SSH2: variants seen among roughly 807,000 people sequenced by gnomAD.
SSH2 encodes the protein protein phosphatase Slingshot homolog 2.
SSH2 carries 37 observed loss-of-function variants against 135.2 expected under a neutral mutation model. That is an observed-to-expected ratio of 0.27 (90% CI 0.21 to 0.36). The LOEUF is 0.36. Among genes scored for constraint, SSH2 ranks in the 10% least tolerant of loss-of-function variants. The pLI, the probability that SSH2 is intolerant of heterozygous loss-of-function variation, is 1.00. For synonymous variants in SSH2, 628 were observed against 646.2 expected, an observed-to-expected ratio of 0.97 and a Z score of 0.43; for missense variants, 1,408 against 1,765.3, an observed-to-expected ratio of 0.80 and a Z score of 3.63.
intron 3 of SSH2, among the ~76,000 whole-genome samples, chr17:29,765,817 C>T (rs2041430241): frequency 1.3e-5 from 2 of 151,860 alleles, no homozygotes; most frequent in Non-Finnish European, 1.5e-5. Context: ...GTCAGGAGTT[C>T]AAGACCAGCC....
At chr17:29,848,764 T>C in intron 2 of SSH2, 85 bp downstream of exon 2, 1 of 818,084 alleles carries the variant, frequency 1.2e-6, no homozygotes, top group Non-Finnish European at 1.9e-6. Context: ...ATAGGCACTA[T>C]ATCAGTTGCA....
chr17:29,796,822 G>A (rs879692555), intron 2 of SSH2, among the ~76,000 whole-genome samples: 1 of 73,272 alleles, frequency 1.4e-5, no homozygotes, highest in African/African-American at 5.3e-5. Context: ...TTTTTTTTTT[G>A]TTTAGAGATA....
chr17:29,917,620 A>G (rs2068620213), intron 1 of SSH2, among the ~76,000 whole-genome samples: 1 of 152,194 alleles, frequency 6.6e-6, no homozygotes, highest in Non-Finnish European at 1.5e-5. Flanking sequence ...GGCAGGGCAA[A>G]TCTAAAACTA....
At chr17:29,725,130 G>A (rs769112428) in intron 3 of SSH2, among the ~76,000 whole-genome samples, 1 of 151,026 alleles carries the variant, frequency 6.6e-6, no homozygotes, top group African/African-American at 2.4e-5. Flanking sequence ...GGCAGATCAC[G>A]AGGTTAGGAG....
intron 3 of SSH2, among the ~76,000 whole-genome samples, chr17:29,741,934 C>CTTTTTTTT (rs71138848): frequency 1.0e-5 from 1 of 97,910 alleles, no homozygotes. Flanking sequence ...ATTTTTTTTT[C>CTTTTTTTT]TTTTTTTTTT....
chr17:29,716,466 C>G, intron 3 of SSH2: 1 of 693,594 alleles, frequency 1.4e-6, no homozygotes, highest in South Asian at 1.4e-5. Flanking sequence ...TTGTGTACAA[C>G]AATGCCAGCA....
intron 11 of SSH2, among the ~76,000 whole-genome samples, chr17:29,663,838 A>C (rs567425863): frequency 1.3e-5 from 2 of 152,338 alleles, no homozygotes; most frequent in Non-Finnish European, 2.9e-5. Flanking sequence ...TTTAGTTTAC[A>C]ATGATGTGCC....
chr17:29,929,352 A>T (rs1383707192), intron 1 of SSH2: 1 of 156,700 alleles, frequency 6.4e-6, no homozygotes, highest in South Asian at 1.8e-4. Flanking sequence ...GGAAACAGAG[A>T]TCATTGCTAC....
chr17:29,917,204 GA>G (rs535506457), intron 1 of SSH2, among the ~76,000 whole-genome samples: 4 of 150,062 alleles, frequency 2.7e-5, no homozygotes, highest in African/African-American at 4.9e-5. Flanking sequence ...TCATTCAGTA[GA>G]AAAAAAAACT....
intron 3 of SSH2, among the ~76,000 whole-genome samples, chr17:29,721,957 G>C (rs764457979): frequency 6.6e-6 from 1 of 152,238 alleles, no homozygotes; most frequent in Non-Finnish European, 1.5e-5. Context: ...CCTTGGGTGG[G>C]CAGGGTAATG....
intron 6 of SSH2, among the ~76,000 whole-genome samples, chr17:29,678,093 ATTT>A (rs56386467): frequency 8.1e-5 from 11 of 136,006 alleles, no homozygotes; most frequent in Non-Finnish European, 9.5e-5. Context: ...GACTCCAAGG[ATTT>A]TTTTTTTTTT....
At chr17:29,644,348 G>A (rs1049865549) in intron 14 of SSH2, among the ~76,000 whole-genome samples, 1 of 152,192 alleles carries the variant, frequency 6.6e-6, no homozygotes, top group Non-Finnish European at 1.5e-5. Flanking sequence ...CTGACAGAAA[G>A]TTATTGCTTG....
intron 6 of SSH2, among the ~76,000 whole-genome samples, chr17:29,682,332 G>C (rs1221650014): frequency 6.6e-6 from 1 of 152,176 alleles, no homozygotes; most frequent in South Asian, 2.1e-4. Context: ...ATATGAGCTA[G>C]AACAGTGCTG....
intron 1 of SSH2, among the ~76,000 whole-genome samples, chr17:29,927,319 C>G (rs1457195209): frequency 1.3e-5 from 2 of 152,024 alleles, no homozygotes; most frequent in Non-Finnish European, 2.9e-5. Flanking sequence ...CTCCAATGCC[C>G]CAGCCCCCCA....
chr17:29,726,515 C>T (rs192640828), intron 3 of SSH2, among the ~76,000 whole-genome samples: 14 of 152,230 alleles, frequency 9.2e-5, no homozygotes, highest in Non-Finnish European at 2.1e-4. Flanking sequence ...AAAAGGGAGA[C>T]AGATGTCACT....
At chr17:29,795,899 G>A (rs1417078805) in intron 2 of SSH2, among the ~76,000 whole-genome samples, 2 of 152,052 alleles carry the variant, frequency 1.3e-5, no homozygotes, top group Non-Finnish European at 2.9e-5. Flanking sequence ...CCGCCACCAT[G>A]CCTGGCTAAT....
At chr17:29,709,052 A>AGAGAGCGC (rs1491229455) in intron 3 of SSH2, among the ~76,000 whole-genome samples, 56 of 144,650 alleles carry the variant, frequency 3.9e-4, no homozygotes, top group African/African-American at 1.2e-3. Context: ...AGAGAGAGAG[A>AGAGAGCGC]GCTAATAATA....
chr17:29,756,250 C>T (rs908526404), intron 3 of SSH2, among the ~76,000 whole-genome samples: 1 of 144,772 alleles, frequency 6.9e-6, no homozygotes, highest in Non-Finnish European at 1.5e-5. Context: ...GCAACAAGAG[C>T]GAGACTCTGT....
At chr17:29,767,315 C>T (rs1046286924) in intron 3 of SSH2, among the ~76,000 whole-genome samples, 14 of 151,862 alleles carry the variant, frequency 9.2e-5, no homozygotes, top group African/African-American at 2.9e-4. Flanking sequence ...ACATCAAACA[C>T]ACTTTACAAA....
Sources: allele counts gnomAD v4.1 joint callset (sites outside exome capture counted in the v4.1 genomes callset), GRCh38; gene constraint gnomAD v4.1.1; transcripts MANE v1.5; gene names NCBI Gene and HGNC (gene_info 2026-07-23, HGNC 2026-07-21).